The following PMM2 variants were observed in gnomAD, a reference collection of about 807,000 sequenced individuals.
PMM2 encodes mannose-6-phosphate isomerase.
PMM2 carries 35 observed loss-of-function variants against 33.2 expected under a neutral mutation model. That is an observed-to-expected ratio of 1.06 (90% CI 0.81 to 1.40). The LOEUF is 1.40. Among genes scored for constraint, PMM2 ranks in the 40% most tolerant of loss-of-function variants. The pLI, the probability that PMM2 is intolerant of heterozygous loss-of-function variation, is 0.00. For synonymous variants in PMM2, 153 were observed against 114.7 expected, an observed-to-expected ratio of 1.33 and a Z score of -2.13; for missense variants, 386 against 306.0, an observed-to-expected ratio of 1.26 and a Z score of -1.95.
rs571864925 is a variant in PMM2 at position 8,798,367 on chromosome 16, T to A, written c.66+419T>A. Among the ~76,000 whole-genome samples the A allele has an allele frequency of 3.9e-5, 6 of 152,228 alleles. No individual in the cohort carries two copies. In the East Asian group the frequency reaches 1.2e-3, roughly 29 times the overall value. On this transcript the variant is annotated intron_variant, in intron 1 of 7. Coordinates refer to ENST00000268261, the MANE Select transcript of PMM2 (RefSeq NM_000303.3). The stretch of plus-strand genomic sequence containing the variant: ...AGGTTTCCAGGTCAAACCGACCTAG[T>A]GGAGTCTCATCTTCACCTCTTGACA...
intron 7 of PMM2, 95 bp downstream of exon 7, chr16:8,813,201 C>T: frequency 3.6e-6 from 3 of 827,500 alleles, no homozygotes; most frequent in Non-Finnish European, 4.3e-6. Context: ...CTACACTTTA[C>T]CCACCCGCCC....
Position 8,834,523 on chromosome 16 carries a change from C to T in PMM2, c.640-13201C>T, listed in dbSNP as rs1372867723. ...GGTATTTTAGTTACCTGACTCGGGG[C>T]ATGTTGAGTGAAGCTAATTTGCCAG... On this transcript the variant is annotated intron_variant, in intron 7 of 7. Transcript: ENST00000268261. Among the ~76,000 whole-genome samples, 12 of 151,918 alleles carry T rather than the reference C, an allele frequency of 7.9e-5. No individual in the cohort carries two copies. In the East Asian group the frequency reaches 2.0e-3, roughly 25 times the overall value.
At chr16:8,818,162 A>G (rs1055507816) in intron 7 of PMM2, among the ~76,000 whole-genome samples, 12 of 152,194 alleles carry the variant, frequency 7.9e-5, no homozygotes, top group African/African-American at 2.4e-4. Context: ...TCGGCCTCCC[A>G]AAGTGCTGGG....
At chr16:8,815,941 C>G (rs1174786793) in intron 7 of PMM2, among the ~76,000 whole-genome samples, 2 of 151,808 alleles carry the variant, frequency 1.3e-5, no homozygotes, top group Non-Finnish European at 2.9e-5. Flanking sequence ...GTATAAGAAA[C>G]TCCAACAACT....
chr16:8,833,492 G>A (rs2060823392), intron 7 of PMM2, among the ~76,000 whole-genome samples: 1 of 152,052 alleles, frequency 6.6e-6, no homozygotes, highest in Non-Finnish European at 1.5e-5. Context: ...ATATTAATAA[G>A]AAAAATAAAA....
At chr16:8,847,661 C>T in intron 7 of PMM2, 63 bp from the exon 8 acceptor site, 2 of 1,227,210 alleles carry the variant, frequency 1.6e-6, no homozygotes, top group Middle Eastern at 3.8e-4. Context: ...ACTCCAGGGT[C>T]ACATCAGCAA....
At chr16:8,843,575 C>A (rs986275895) in intron 7 of PMM2, among the ~76,000 whole-genome samples, 1 of 152,040 alleles carries the variant, frequency 6.6e-6, no homozygotes, top group Non-Finnish European at 1.5e-5. Context: ...TCTGGAGGAA[C>A]GCCTGGCCGC....
In PMM2 at chr16:8,847,801, G is replaced by C. The variant is rs780441704; in HGVS notation, c.717G>C (p.Arg239Ser). The change falls in exon 8 of 8, where the codon AGG (arginine) becomes AGC (serine). Residue 239 changes from arginine to serine, a missense_variant. Coordinates refer to ENST00000268261, the MANE Select transcript of PMM2 (RefSeq NM_000303.3). ...TGACAGCGCCTGAGGACACGCGCAG[G>C]ATCTGTGAACTGCTGTTCTCCTAAC... ...YSVTAPEDTR[R>S]ICELLFS The C allele has an allele frequency of 6.2e-7, 1 of 1,613,640 alleles. No homozygotes were observed. Among genetic ancestry groups the C allele is most frequent in the Non-Finnish European group, 8.5e-7 (1 of 1,179,714 alleles).
rs750445292 is a variant in PMM2, at chr16:8,797,842, G to C, written c.-41G>C. The C allele has an allele frequency of 1.2e-6, 2 of 1,600,624 alleles. No homozygotes were observed. Among genetic ancestry groups the C allele is most frequent in the Admixed American group, 1.7e-5 (1 of 58,288 alleles). ...CCGGAAGTTCCGGGCCGAGTTCCTC[G>C]TGCCAACGTGTCTTGTAAGGTGCGG... On this transcript the variant is annotated 5_prime_UTR_variant, in exon 1 of 8. Coordinates refer to ENST00000268261, the MANE Select transcript of PMM2 (RefSeq NM_000303.3).
chr16:8,838,571 A>G (rs370724045), intron 7 of PMM2, among the ~76,000 whole-genome samples: 4 of 151,790 alleles, frequency 2.6e-5, no homozygotes. Context: ...AGCTGAAGGG[A>G]GGTCTTGTGG....
At chr16:8,826,988 A>G (rs1198863853) in intron 7 of PMM2, among the ~76,000 whole-genome samples, 1 of 152,194 alleles carries the variant, frequency 6.6e-6, no homozygotes, top group Non-Finnish European at 1.5e-5. Context: ...TACCAAAAAT[A>G]CATCTTTATA....
chr16:8,829,270 A>G (rs2060796148), intron 7 of PMM2: 1 of 152,272 alleles, frequency 6.6e-6, no homozygotes. Flanking sequence ...CTGGTAAGAA[A>G]TGTTTACCCT....
intron 7 of PMM2, among the ~76,000 whole-genome samples, chr16:8,815,383 A>G (rs1022973347): frequency 7.2e-5 from 11 of 152,062 alleles, no homozygotes; most frequent in Admixed American, 5.9e-4. Flanking sequence ...GGAGCCTGCC[A>G]CCACGCCCGG....
chr16:8,811,163 C>T lies in PMM2; in HGVS notation c.432C>T (p.Phe144=). 6.4e-7 allele frequency: 1 copy of T among 1,564,796 alleles called. No individual in the cohort carries two copies. Among genetic ancestry groups the T allele is most frequent in the South Asian group, 1.2e-5 (1 of 86,220 alleles). The change falls in exon 5 of 8, where the codon TTC becomes TTT. Residue 144 remains phenylalanine (F), a synonymous_variant. Transcript: ENST00000268261. ...RSCSQEERIE[F]YELDKKENIR... ...GCAGCCAAGAAGAACGCATTGAGTT[C>T]TACGAACTCGATAAAGTACGTCTTT...
At chr16:8,826,285 G>A (rs1222527293) in intron 7 of PMM2, among the ~76,000 whole-genome samples, 3 of 152,030 alleles carry the variant, frequency 2.0e-5, no homozygotes, top group Non-Finnish European at 4.4e-5. Flanking sequence ...AATTAGAGAA[G>A]ATTTTCTCTT....
At chr16:8,802,083 C>T (rs1300848873) in intron 2 of PMM2, 173 bp downstream of exon 2, 2 of 604,690 alleles carry the variant, frequency 3.3e-6, no homozygotes, top group African/African-American at 3.7e-5. Context: ...TAATCCAGTA[C>T]ATTTCTGGAG....
At chr16:8,802,998 C>T (rs2060624768) in intron 2 of PMM2, among the ~76,000 whole-genome samples, 1 of 152,124 alleles carries the variant, frequency 6.6e-6, no homozygotes, top group African/African-American at 2.4e-5. Context: ...TGAAGGCTGT[C>T]CTGTGCATTG....
chr16:8,844,703 C>A (rs2060913505), intron 7 of PMM2, among the ~76,000 whole-genome samples: 1 of 152,198 alleles, frequency 6.6e-6, no homozygotes, highest in African/African-American at 2.4e-5. Context: ...CCTTCCCAGT[C>A]CGTGACCGGC....
intron 7 of PMM2, among the ~76,000 whole-genome samples, chr16:8,827,794 T>TG (rs1198381803): frequency 6.1e-3 from 399 of 65,456 alleles, no homozygotes; most frequent in East Asian, 9.4e-3. Flanking sequence ...TTATATATAT[T>TG]TATACATATT....
Sources: allele counts gnomAD v4.1 joint callset (sites outside exome capture counted in the v4.1 genomes callset), GRCh38; gene constraint gnomAD v4.1.1; transcripts MANE v1.5; gene names NCBI Gene and HGNC (gene_info 2026-07-23, HGNC 2026-07-21).